The following UBE2O variants were observed in gnomAD, a reference collection of about 807,000 sequenced individuals.
UBE2O encodes the protein (E3-independent) E2 ubiquitin-conjugating enzyme.
A neutral mutation model predicts 125.8 loss-of-function variants in UBE2O; 15 were observed. The observed-to-expected ratio is 0.12, with a 90% CI of 0.08 to 0.18. UBE2O has a LOEUF of 0.18. UBE2O is among the 10% of genes least tolerant of loss of function. The probability of loss-of-function intolerance (pLI) is 1.00; values close to 1 mark genes in which losing one functional copy is unlikely to be tolerated. For missense variants in UBE2O, 1,280 were observed against 1,723.6 expected (o/e 0.74, Z 4.56); for synonymous variants, 708 against 703.2 (o/e 1.01, Z -0.11).
At chr17:76,432,299 A>T (rs1201432941) in intron 1 of UBE2O, among the ~76,000 whole-genome samples, 1 of 152,170 alleles carries the variant, frequency 6.6e-6, no homozygotes, top group Non-Finnish European at 1.5e-5. Flanking sequence ...TCAATCCACA[A>T]ATATTTCATC....
chr17:76,398,990 C>A lies in UBE2O; in HGVS notation c.1630G>T (p.Val544Leu). The change falls in exon 10 of 18, where the codon GTG becomes TTG. Residue 544 changes from valine to leucine, a missense_variant and splice_region_variant. Val to Leu is a conservative substitution (Grantham distance 32). Coordinates refer to ENST00000319380, the MANE Select transcript of UBE2O (RefSeq NM_022066.4). This position sits in a 1 kb window ranked among gnomAD's most constrained non-coding sequence, Gnocchi z 5.4. ...ATCGTGGTCACCACCTCCACTGCCA[C>A]CCTGCGGGTGCAGGCCAGTCAGCAG... ...ITRDFKPGDR[V>L]AVEVVTTMTS... The A allele has an allele frequency of 2.5e-6, 4 of 1,613,710 alleles. No individual in the cohort carries two copies. Among genetic ancestry groups the A allele is most frequent in the Non-Finnish European group, 3.4e-6 (4 of 1,179,900 alleles).
intron 1 of UBE2O, among the ~76,000 whole-genome samples, chr17:76,439,013 G>GT (rs1197715989): frequency 6.6e-6 from 1 of 152,164 alleles, no homozygotes; most frequent in Non-Finnish European, 1.5e-5. Flanking sequence ...AAACTCTGAT[G>GT]TAAGTCCTCT....
At chr17:76,406,599 G>A (rs1300390274) in intron 1 of UBE2O, among the ~76,000 whole-genome samples, 2 of 148,684 alleles carry the variant, frequency 1.3e-5, no homozygotes, top group Non-Finnish European at 3.0e-5. Context: ...GTAGAAGAAC[G>A]TGACTCACAA....
At chr17:76,418,317 A>G (rs1309477992) in intron 1 of UBE2O, among the ~76,000 whole-genome samples, 1 of 152,234 alleles carries the variant, frequency 6.6e-6, no homozygotes, top group Non-Finnish European at 1.5e-5. Flanking sequence ...AAGGAGGTAC[A>G]CAATTCCTGA....
intron 1 of UBE2O, among the ~76,000 whole-genome samples, chr17:76,421,601 G>A (rs1302280781): frequency 6.6e-6 from 1 of 152,170 alleles, no homozygotes; most frequent in Non-Finnish European, 1.5e-5. Context: ...CCGACCTCAG[G>A]TGATCCGCCC....
intron 1 of UBE2O, among the ~76,000 whole-genome samples, chr17:76,434,794 T>C (rs500466): frequency 7.5e-6 from 1 of 133,700 alleles, no homozygotes; most frequent in Non-Finnish European, 1.6e-5. Context: ...TTTTTTTTTT[T>C]AAAAAAACAA....
At chr17:76,428,866 G>C (rs2072856104) in intron 1 of UBE2O, among the ~76,000 whole-genome samples, 1 of 150,554 alleles carries the variant, frequency 6.6e-6, no homozygotes, top group South Asian at 2.1e-4. Flanking sequence ...GACCATCAAG[G>C]GAAACTGCAT....
rs752404070 is a variant in UBE2O at position 76,392,125 on chromosome 17, G to A, written c.2947-12C>T. ...GCTGAGAAGAGGTCCTAGGTAGGGAGGGAGGGAGGGAGGCCAAGGTTGGCA... is the reference window on the plus strand; with the variant it reads ...GCTGAGAAGAGGTCCTAGGTAGGGAAGGAGGGAGGGAGGCCAAGGTTGGCA... On this transcript the variant is annotated splice_polypyrimidine_tract_variant and intron_variant, in intron 15 of 17. Coordinates refer to ENST00000319380, the MANE Select transcript of UBE2O (RefSeq NM_022066.4). 1.6e-5 allele frequency: 23 copies of A among 1,420,054 alleles called. No homozygotes were observed. The highest frequency in any genetic ancestry group is 2.9e-5 in the South Asian group (2 of 68,598). 88.0% of individuals were successfully genotyped at this position (1,420,054 alleles called of 1,614,324 possible).
chr17:76,448,412 T>A (rs2073183148), intron 1 of UBE2O, among the ~76,000 whole-genome samples: 2 of 152,194 alleles, frequency 1.3e-5, no homozygotes, highest in African/African-American at 4.8e-5. Context: ...GCCATGATGC[T>A]ACACCTAAAT....
intron 1 of UBE2O, among the ~76,000 whole-genome samples, chr17:76,444,324 G>A (rs2073121965): frequency 6.6e-6 from 1 of 152,170 alleles, no homozygotes. Flanking sequence ...TGAAGTGGGA[G>A]GATCACTTGG....
At chr17:76,392,430 G>T (rs551024379) in intron 15 of UBE2O, among the ~76,000 whole-genome samples, 22 of 152,092 alleles carry the variant, frequency 1.4e-4, no homozygotes, top group African/African-American at 5.1e-4. Flanking sequence ...GTGCCCAGAT[G>T]ATTTTTTTAT....
intron 1 of UBE2O, among the ~76,000 whole-genome samples, chr17:76,435,634 G>A (rs2072984718): frequency 6.6e-6 from 1 of 152,194 alleles, no homozygotes; most frequent in South Asian, 2.1e-4. Context: ...AGGTGATCTC[G>A]TGCAATCCCC....
chr17:76,396,891 T>A lies in UBE2O; in HGVS notation c.2116-70A>T. 1 of 1,367,760 alleles carries A rather than the reference T, an allele frequency of 7.3e-7. No individual in the cohort carries two copies. The highest frequency in any genetic ancestry group is 1.0e-6 in the Non-Finnish European group (1 of 1,003,588). The allele number at this position is 1,367,760 out of a possible 1,614,324, so 84.7% of individuals were successfully genotyped here. A position where few individuals can be genotyped will look rare whatever the true frequency, so the allele number is the denominator to read the frequency against. On this transcript the variant is annotated intron_variant, in intron 13 of 17. Transcript: ENST00000319380. The surrounding 1 kb of genome is among the most constrained non-coding windows in gnomAD (Gnocchi z 6.7). ...CCTCCCCACCACTAAGGAGGAGCTC[T>A]GGGGATCCCTGATCCGCACAGCTGA...
intron 1 of UBE2O, among the ~76,000 whole-genome samples, chr17:76,419,370 A>G (rs1749199454): frequency 6.6e-6 from 1 of 152,188 alleles, no homozygotes; most frequent in African/African-American, 2.4e-5. Flanking sequence ...TTAATTAAAA[A>G]AAGTTTTTAA....
At chr17:76,401,991 CT>C in intron 5 of UBE2O, 72 bp downstream of exon 5, 4 of 1,517,974 alleles carry the variant, frequency 2.6e-6, no homozygotes, top group Non-Finnish European at 3.6e-6. Flanking sequence ...GGGTCCAGGT[CT>C]TTGCTACGAA....
rs898079765 is a variant in UBE2O, at chr17:76,405,119, G to T, written c.588+87C>A. The T allele has an allele frequency of 9.9e-7, 1 of 1,008,874 alleles. No homozygotes were observed. Among genetic ancestry groups the T allele is most frequent in the Non-Finnish European group, 1.5e-6 (1 of 675,254 alleles). 62.5% of individuals were successfully genotyped at this position (1,008,874 alleles called of 1,614,324 possible). A position where few individuals can be genotyped will look rare whatever the true frequency, so the allele number is the denominator to read the frequency against. ...CCCAGGAAGGCTGTGCTTGGCAAGA[G>T]CACGGAGGAGGCTGTAGCCCAGAGG... On this transcript the variant is annotated intron_variant, in intron 3 of 17. Coordinates refer to ENST00000319380, the MANE Select transcript of UBE2O (RefSeq NM_022066.4). The surrounding 1 kb of genome is among the most constrained non-coding windows in gnomAD (Gnocchi z 6.1).
intron 3 of UBE2O, among the ~76,000 whole-genome samples, chr17:76,403,512 T>C (rs1055388012): frequency 3.9e-5 from 6 of 152,144 alleles, no homozygotes; most frequent in African/African-American, 1.2e-4. Flanking sequence ...GCTCAAGTGA[T>C]CCATCTGCCT....
intron 1 of UBE2O, among the ~76,000 whole-genome samples, chr17:76,423,365 G>A (rs1330348048): frequency 6.6e-6 from 1 of 151,858 alleles, no homozygotes; most frequent in African/African-American, 2.4e-5. Context: ...GGTGACAAGA[G>A]TAAGACCCTA....
intron 1 of UBE2O, among the ~76,000 whole-genome samples, chr17:76,434,688 A>G (rs2072957921): frequency 6.6e-6 from 1 of 151,606 alleles, no homozygotes; most frequent in African/African-American, 2.4e-5. Flanking sequence ...CACTGCTAAC[A>G]CAAACTAAGC....
Sources: allele counts gnomAD v4.1 joint callset (sites outside exome capture counted in the v4.1 genomes callset), GRCh38; gene constraint gnomAD v4.1.1; non-coding constraint Gnocchi (gnomAD v3.1); transcripts MANE v1.5; gene names NCBI Gene and HGNC (gene_info 2026-07-23, HGNC 2026-07-21).